The following DNMBP variants were observed in gnomAD, a reference collection of about 807,000 sequenced individuals.
DNMBP encodes dynamin-binding protein.
Under a neutral mutation model 150.0 loss-of-function variants are expected in DNMBP, and 87 were observed. The ratio of observed to expected loss-of-function variants is 0.58; its 90% CI spans 0.49 to 0.69. The LOEUF (loss-of-function observed/expected upper bound fraction) is 0.69, where lower values mean the gene tolerates loss of function less well. Among genes scored for constraint, DNMBP ranks in the 30% least tolerant of loss-of-function variants. DNMBP has a pLI of 0.00. For synonymous variants in DNMBP, 711 were observed against 750.4 expected (o/e 0.95, Z 0.86); for missense variants, 1,774 against 1,949.0 (o/e 0.91, Z 1.69).
intron 4 of DNMBP, chr10:99,913,896 C>T (rs2039931451): frequency 2.3e-6 from 3 of 1,282,878 alleles, no homozygotes; most frequent in Admixed American, 4.0e-5. Flanking sequence ...TGAACAGGGA[C>T]GAAGAGGCTG....
intron 1 of DNMBP, among the ~76,000 whole-genome samples, chr10:99,987,255 C>A (rs2040838124): frequency 6.6e-6 from 1 of 151,894 alleles, no homozygotes; most frequent in African/African-American, 2.4e-5. Context: ...GTAATCCGAG[C>A]ATTCTGGGAG....
chr10:99,935,578 T>G (rs577260767), intron 4 of DNMBP, among the ~76,000 whole-genome samples: 1 of 152,024 alleles, frequency 6.6e-6, no homozygotes, highest in East Asian at 1.9e-4. Flanking sequence ...TTGTTGTTGT[T>G]GTTGAGATGG....
chr10:99,934,596 A>G (rs1014336535), intron 4 of DNMBP, among the ~76,000 whole-genome samples: 4 of 135,646 alleles, frequency 2.9e-5, no homozygotes, highest in African/African-American at 1.1e-4. Context: ...TAATAAGAAT[A>G]GGATTACTGA....
intron 1 of DNMBP, among the ~76,000 whole-genome samples, chr10:99,978,344 G>A (rs537279575): frequency 2.7e-4 from 41 of 152,106 alleles, no homozygotes; most frequent in African/African-American, 9.6e-4. Context: ...TTCAAACAGT[G>A]AGGTTGAAAG....
rs369221824 is a variant in DNMBP at position 99,972,042 on chromosome 10, A to G, written c.83T>C (p.Ile28Thr). Residue 28 changes from isoleucine to threonine, a missense_variant, in exon 2 of 17, where the codon ATT becomes ACT. Ile to Thr is a moderately conservative substitution (Grantham distance 89). Coordinates refer to ENST00000324109, the MANE Select transcript of DNMBP (RefSeq NM_015221.4). Reference protein sequence around the residue: ...SEELPLFVGDIIEVLAVVDEF... With the variant: ...SEELPLFVGDTIEVLAVVDEF... Reference sequence around the variant, plus strand: ...ATCCACCACTGCCAGCACCTCAATAATATCTCCCACAAAGAGCGGCAGTTC... The same window carrying G: ...ATCCACCACTGCCAGCACCTCAATAGTATCTCCCACAAAGAGCGGCAGTTC... 69 of 1,613,852 alleles carry G rather than the reference A, an allele frequency of 4.3e-5. No individual in the cohort carries two copies. In the African/African-American group the frequency reaches 8.3e-4, roughly 19 times the overall value.
intron 1 of DNMBP, among the ~76,000 whole-genome samples, chr10:100,007,682 T>C (rs2041089975): frequency 6.6e-6 from 1 of 152,248 alleles, no homozygotes; most frequent in Non-Finnish European, 1.5e-5. Context: ...CAGCTGCCTT[T>C]CATAGCAGGG....
rs374664521 is a variant in DNMBP, at chr10:99,938,932, G to GC, written c.2260+16281dup. ...ACTGGCTCTTTTCAGCAGTCCTGAA[G>GC]CACCACCTCACCGTGATGTTTGCTA... On this transcript the variant is annotated intron_variant, in intron 4 of 16. Coordinates refer to ENST00000324109, the MANE Select transcript of DNMBP (RefSeq NM_015221.4). Among the ~76,000 whole-genome samples, 115 of 152,228 alleles carry GC rather than the reference G, an allele frequency of 7.6e-4. 1 individual carries two copies. The highest frequency in any genetic ancestry group is 2.7e-3 in the African/African-American group (114 of 41,524).
rs111791997 is a variant in DNMBP, at chr10:99,888,195, G to GTTTT, written c.3285+626_3285+629dup. Among the ~76,000 whole-genome samples the GTTTT allele has an allele frequency of 3.8e-4, 53 of 139,764 alleles. No homozygotes were observed. The East Asian group carries it at 5.0e-3, about 13-fold the overall frequency. The allele number at this position is 139,764 out of a possible 152,430, so 91.7% of individuals were successfully genotyped here. On this transcript the variant is annotated intron_variant, in intron 12 of 16. Transcript: ENST00000324109. ...ATATTCCTAAATATTTGTCTTCAAG[G>GTTTT]TTTTTTTTTTGTTTGTTTGTTTGTT... is the stretch of plus-strand genomic sequence containing the variant.
chr10:99,927,128 G>A (rs2040088785), intron 4 of DNMBP: 1 of 152,490 alleles, frequency 6.6e-6, no homozygotes, highest in South Asian at 2.1e-4. Context: ...CCACTGAACA[G>A]AGCTCTGTCT....
intron 4 of DNMBP, chr10:99,914,200 G>T: frequency 9.5e-7 from 1 of 1,054,708 alleles, no homozygotes; most frequent in South Asian, 4.7e-5. Flanking sequence ...GCACCAGCGG[G>T]CCCAGCAGTA....
rs1251068053 is a variant in DNMBP at position 99,876,199 on chromosome 10, C to G, written c.*952G>C. ...TGGCTGGAGCTCTCATACTGTTACTCTAGGAAAATCTATCAATTATTGAGT... is the reference window on the plus strand; with the variant it reads ...TGGCTGGAGCTCTCATACTGTTACTGTAGGAAAATCTATCAATTATTGAGT... On this transcript the variant is annotated 3_prime_UTR_variant, in exon 17 of 17. Coordinates refer to ENST00000324109, the MANE Select transcript of DNMBP (RefSeq NM_015221.4). 6.6e-6 allele frequency: 1 copy of G among 152,160 alleles called. No individual in the cohort carries two copies. The allele number at this position is 152,160 out of a possible 1,614,324, so 9.4% of individuals were successfully genotyped here. A position where few individuals can be genotyped will look rare whatever the true frequency, so the allele number is the denominator to read the frequency against.
chr10:99,883,744 T>C (rs113538962), intron 15 of DNMBP, among the ~76,000 whole-genome samples: 7 of 151,604 alleles, frequency 4.6e-5, no homozygotes, highest in Admixed American at 2.6e-4. Context: ...GAGGCAGGAC[T>C]TCCTGCCTGT....
chr10:99,968,480 A>G (rs1248278906), intron 3 of DNMBP, among the ~76,000 whole-genome samples: 2 of 152,246 alleles, frequency 1.3e-5, no homozygotes, highest in South Asian at 2.1e-4. Flanking sequence ...TGAGCCTAGG[A>G]GTTCGAGACC....
chr10:99,957,220 A>C lies in DNMBP; in HGVS notation c.269-15T>G, dbSNP rs762970886. ...CACCAGGTCACCTAAAGAAAAGAGG[A>C]GCAGAGATGGTGACCTCAGTCATCA... On this transcript the variant is annotated splice_polypyrimidine_tract_variant and intron_variant, in intron 3 of 16. Transcript: ENST00000324109. 2 of 1,593,808 alleles carry C rather than the reference A, an allele frequency of 1.3e-6. No homozygotes were observed. Among genetic ancestry groups the C allele is most frequent in the African/African-American group, 2.7e-5 (2 of 74,758 alleles).
chr10:100,004,194 G>A (rs1210174555), intron 1 of DNMBP, among the ~76,000 whole-genome samples: 1 of 150,696 alleles, frequency 6.6e-6, no homozygotes, highest in Non-Finnish European at 1.5e-5. Context: ...GCAGTGAGCC[G>A]TGATGGTGCC....
intron 4 of DNMBP, among the ~76,000 whole-genome samples, chr10:99,940,072 TC>T (rs2040277891): frequency 1.3e-5 from 2 of 152,228 alleles, no homozygotes. Context: ...TGTCAATCAC[TC>T]TTTCTTCATG....
chr10:99,996,006 C>T (rs1373869195), intron 1 of DNMBP, among the ~76,000 whole-genome samples: 1 of 152,224 alleles, frequency 6.6e-6, no homozygotes, highest in Non-Finnish European at 1.5e-5. Flanking sequence ...TGTATTATTG[C>T]TACCTGTGAA....
chr10:99,893,174 A>G (rs770744603), intron 11 of DNMBP, among the ~76,000 whole-genome samples: 4 of 152,196 alleles, frequency 2.6e-5, no homozygotes, highest in Non-Finnish European at 5.9e-5. Context: ...TTAGCAAGGG[A>G]TATTGCTTGT....
chr10:99,880,910 G>A (rs747149967), intron 15 of DNMBP, among the ~76,000 whole-genome samples: 5 of 152,128 alleles, frequency 3.3e-5, no homozygotes, highest in South Asian at 2.1e-4. Context: ...TCAACACAGC[G>A]AGACTTCATC....
Sources: allele counts gnomAD v4.1 joint callset (sites outside exome capture counted in the v4.1 genomes callset), GRCh38; gene constraint gnomAD v4.1.1; transcripts MANE v1.5; gene names NCBI Gene and HGNC (gene_info 2026-07-23, HGNC 2026-07-21).